FREM2: variants seen among roughly 807,000 people sequenced by gnomAD.
FREM2 encodes the protein FRAS1-related extracellular matrix protein 2.
FREM2 carries 119 observed loss-of-function variants against 219.9 expected under a neutral mutation model. That is an observed-to-expected ratio of 0.54 (90% confidence interval 0.47 to 0.63). The LOEUF is 0.63. FREM2 is among the 30% of genes least tolerant of loss of function. FREM2 has a pLI of 0.00. For synonymous variants in FREM2, 1,562 were observed against 1,522.8 expected (o/e 1.03, Z -0.60); for missense variants, 4,030 against 3,993.6 (o/e 1.01, Z -0.25).
intron 6 of FREM2, among the ~76,000 whole-genome samples, chr13:38,816,309 T>A (rs1164564889): frequency 1.3e-5 from 2 of 152,136 alleles, no homozygotes; most frequent in Non-Finnish European, 2.9e-5. Flanking sequence ...GGATCTCCAG[T>A]GAACATAGAT....
chr13:38,714,891 G>A (rs113681882), intron 2 of FREM2, among the ~76,000 whole-genome samples: 85 of 151,514 alleles, frequency 5.6e-4, no homozygotes, highest in Admixed American at 1.1e-3. Context: ...TTCGAGACCA[G>A]CCTGGCCAAC....
chr13:38,720,402 C>G (rs551119992), intron 2 of FREM2, among the ~76,000 whole-genome samples: 1 of 152,146 alleles, frequency 6.6e-6, no homozygotes, highest in Non-Finnish European at 1.5e-5. Context: ...ATATGCCAGC[C>G]ACGTTGCTTA....
chr13:38,751,895 TG>T (rs57346357), intron 2 of FREM2, among the ~76,000 whole-genome samples: 22,124 of 139,834 alleles, frequency 0.16, 1,816 homozygotes, highest in Middle Eastern at 0.26. Flanking sequence ...TGTGTGTGTG[TG>T]TTTTCCTTTT....
chr13:38,848,167 T>A (rs1877232996), intron 7 of FREM2, among the ~76,000 whole-genome samples: 1 of 152,208 alleles, frequency 6.6e-6, no homozygotes, highest in Non-Finnish European at 1.5e-5. Context: ...ATTACCTTTA[T>A]TAGAGAATTT....
intron 6 of FREM2, among the ~76,000 whole-genome samples, chr13:38,841,016 C>T (rs942708669): frequency 1.3e-5 from 2 of 152,092 alleles, no homozygotes; most frequent in African/African-American, 2.4e-5. Flanking sequence ...TAGTCAAGGG[C>T]ACAGGCTTTA....
chr13:38,765,131 C>T (rs1461906323), intron 3 of FREM2, among the ~76,000 whole-genome samples: 2 of 152,142 alleles, frequency 1.3e-5, no homozygotes, highest in Non-Finnish European at 2.9e-5. Flanking sequence ...AGGATAGTCT[C>T]GATCTCCTGA....
At chr13:38,704,415 A>G (rs1175401919) in intron 2 of FREM2, among the ~76,000 whole-genome samples, 1 of 152,220 alleles carries the variant, frequency 6.6e-6, no homozygotes, top group Non-Finnish European at 1.5e-5. Context: ...GGCACCTGAA[A>G]GGTGGTATTT....
At position 38,687,731 on chromosome 13, in the gene FREM2, C is replaced by G; in HGVS notation, c.387C>G (p.Cys129Trp). The G allele has an allele frequency of 1.3e-6, 2 of 1,546,362 alleles. No homozygotes were observed. Among genetic ancestry groups the G allele is most frequent in the Non-Finnish European group, 1.7e-6 (2 of 1,143,744 alleles). ...GCCTGAGTCCCAAGCGCTTCCCGTGCGACTTTGGCCCTGGCGAGGTGCGCT... is the reference window on the plus strand; with the variant it reads ...GCCTGAGTCCCAAGCGCTTCCCGTGGGACTTTGGCCCTGGCGAGGTGCGCT... ...PGRLSPKRFP[C>W]DFGPGEVRYS... is the part of the protein sequence containing the mutation. Residue 129 changes from cysteine to tryptophan, a missense_variant, in exon 1 of 24, where the codon TGC becomes TGG. Physicochemically the swap from Cys to Trp is radical, Grantham distance 215. This residue lies in a region of FREM2 where 3,102 missense variants were observed against 2,950.7 expected (regional missense o/e 1.05). Coordinates refer to ENST00000280481, the MANE Select transcript of FREM2 (RefSeq NM_207361.6).
At chr13:38,801,283 T>C (rs1365188049) in intron 6 of FREM2, among the ~76,000 whole-genome samples, 2 of 152,224 alleles carry the variant, frequency 1.3e-5, no homozygotes, top group Non-Finnish European at 2.9e-5. Context: ...AATTATCTTG[T>C]ATCTCACGGA....
In FREM2 at chr13:38,821,156, G is replaced by A. The variant is rs970841044; in HGVS notation, c.6020-25417G>A. Among the ~76,000 whole-genome samples, 13 of 152,190 alleles carry A rather than the reference G, an allele frequency of 8.5e-5. No individual in the cohort carries two copies. The East Asian group carries it at 2.5e-3, about 29-fold the overall frequency. ...CTTTGTAGATAAATGTTACCTTTCA[G>A]AGGGAACAGATAGGTGTTATGTTTT... On this transcript the variant is annotated intron_variant, in intron 6 of 23. Coordinates refer to ENST00000280481, the MANE Select transcript of FREM2 (RefSeq NM_207361.6).
Position 38,690,365 on chromosome 13 carries a change from G to A in FREM2, c.3021G>A (p.Arg1007=), listed in dbSNP as rs867263545. The change falls in exon 1 of 24, where the codon AGG becomes AGA. Residue 1007 remains arginine, a synonymous_variant. Transcript: ENST00000280481. Reference sequence around the variant, plus strand: ...TTCCAGCAGAGCAGTTTACTCAAAGGGACATCTTGGAGGGCTCTGTTGTAT... The same window carrying A: ...TTCCAGCAGAGCAGTTTACTCAAAGAGACATCTTGGAGGGCTCTGTTGTAT... The part of the protein sequence containing the change: ...NGIPAEQFTQ[R]DILEGSVVYT... 2 of 1,614,074 alleles carry A rather than the reference G, an allele frequency of 1.2e-6. No homozygotes were observed. The highest frequency in any genetic ancestry group is 1.7e-6 in the Non-Finnish European group (2 of 1,180,042).
At chr13:38,842,324 G>C (rs1000515042) in intron 6 of FREM2, among the ~76,000 whole-genome samples, 5 of 152,176 alleles carry the variant, frequency 3.3e-5, no homozygotes, top group Non-Finnish European at 7.3e-5. Flanking sequence ...CTTTCCTTAA[G>C]AGCCTGGTTA....
intron 16 of FREM2, among the ~76,000 whole-genome samples, chr13:38,872,119 C>T (rs552122184): frequency 6.8e-4 from 104 of 152,184 alleles, no homozygotes; most frequent in Non-Finnish European, 1.1e-3. Context: ...AATTCATTAA[C>T]AGGGGAATTA....
At chr13:38,803,081 A>G (rs1875084750) in intron 6 of FREM2, among the ~76,000 whole-genome samples, 1 of 152,056 alleles carries the variant, frequency 6.6e-6, no homozygotes, top group African/African-American at 2.4e-5. Flanking sequence ...CTTTCCATGG[A>G]TGAGGCATGT....
At chr13:38,725,862 T>G (rs950497457) in intron 2 of FREM2, among the ~76,000 whole-genome samples, 8 of 152,176 alleles carry the variant, frequency 5.3e-5, no homozygotes, top group Admixed American at 3.3e-4. Flanking sequence ...ATGAAAAGTT[T>G]TGCTTTAGGC....
chr13:38,784,939 ATGAT>A (rs1459896351), intron 6 of FREM2, 131 bp downstream of exon 6: 1 of 1,043,468 alleles, frequency 9.6e-7, no homozygotes, highest in Non-Finnish European at 1.4e-6. Context: ...GTTTTTTCAT[ATGAT>A]TAGGTTTCAA....
Position 38,805,348 on chromosome 13 carries a change from T to C in FREM2, c.6019+20540T>C, listed in dbSNP as rs747211138. ...AAGGAGGAGAGGGATTGAAAAAAAA[T>C]CTACGTTCAAAAAAGATTGTGCGTG... On this transcript the variant is annotated intron_variant, in intron 6 of 23. Transcript: ENST00000280481. 5.9e-4 allele frequency among the ~76,000 whole-genome samples: 89 copies of C among 151,580 alleles called. 1 individual carries two copies. The highest frequency in any genetic ancestry group is 8.8e-5 in the Non-Finnish European group (6 of 67,950).
chr13:38,814,355 T>G (rs80340564), intron 6 of FREM2, among the ~76,000 whole-genome samples: 1,548 of 152,348 alleles, frequency 0.01, 32 homozygotes, highest in African/African-American at 0.035. Flanking sequence ...TTTCCAAGTA[T>G]TCAAAGGCAC....
chr13:38,697,989 A>G (rs989751404), intron 2 of FREM2, among the ~76,000 whole-genome samples: 4 of 152,196 alleles, frequency 2.6e-5, no homozygotes, highest in Non-Finnish European at 5.9e-5. Flanking sequence ...AGTTCTAGTT[A>G]TATCACTTTT....
Sources: gnomAD v4.1 joint callset for allele counts (sites outside exome capture counted in the v4.1 genomes callset) on GRCh38, gnomAD v4.1.1 for gene constraint, gnomAD v4.1.1 regional missense constraint, MANE v1.5 for transcripts, NCBI Gene and HGNC (gene_info 2026-07-23, HGNC 2026-07-21) for gene names.